The following DAB1 variants were observed in gnomAD, a reference collection of about 807,000 sequenced individuals.
DAB1 encodes the protein DAB adaptor protein 1.
DAB1 carries 15 observed loss-of-function variants against 64.6 expected under a neutral mutation model. That is an observed-to-expected ratio of 0.23 (90% confidence interval 0.16 to 0.36). The LOEUF is 0.36. DAB1 is among the 10% of genes least tolerant of loss of function. The probability of loss-of-function intolerance (pLI) is 1.00; values close to 1 mark genes in which losing one functional copy is unlikely to be tolerated. For missense variants in DAB1, 596 were observed against 706.7 expected (o/e 0.84, Z 1.78); for synonymous variants, 235 against 251.9 (o/e 0.93, Z 0.64).
intron 1 of DAB1, among the ~76,000 whole-genome samples, chr1:57,395,790 G>A (rs1209313654): frequency 2.3e-5 from 1 of 43,866 alleles, no homozygotes; most frequent in East Asian, 2.4e-4. Context: ...GGCTCCCATG[G>A]CTACCATATT....
intron 2 of DAB1, among the ~76,000 whole-genome samples, chr1:57,241,689 C>A (rs2100478908): frequency 6.6e-6 from 1 of 152,242 alleles, no homozygotes; most frequent in African/African-American, 2.4e-5. Context: ...GGAGTCTAGC[C>A]CTTCTGAGTC....
chr1:57,396,067 A>G (rs1682780042), intron 1 of DAB1, among the ~76,000 whole-genome samples: 1 of 152,226 alleles, frequency 6.6e-6, no homozygotes, highest in African/African-American at 2.4e-5. Context: ...TTAGTGAGCT[A>G]TAAGGTGGGA....
intron 6 of DAB1, among the ~76,000 whole-genome samples, chr1:57,688,770 T>C (rs997913605): frequency 2.6e-5 from 4 of 152,178 alleles, no homozygotes; most frequent in Admixed American, 2.0e-4. Flanking sequence ...TGCAGCAACA[T>C]AGATGCAGCT....
chr1:57,235,075 T>A (rs1041920861), intron 2 of DAB1, among the ~76,000 whole-genome samples: 1 of 152,220 alleles, frequency 6.6e-6, no homozygotes, highest in Non-Finnish European at 1.5e-5. Flanking sequence ...TCACTCATCA[T>A]ATTCACAGAT....
At chr1:58,513,913 A>G (rs1646120349) in intron 2 of DAB1, among the ~76,000 whole-genome samples, 1 of 152,196 alleles carries the variant, frequency 6.6e-6, no homozygotes, top group Non-Finnish European at 1.5e-5. Flanking sequence ...CCATAATTTG[A>G]ACACAAGTAG....
chr1:58,199,161 C>G (rs753437820), intron 4 of DAB1, among the ~76,000 whole-genome samples: 3 of 152,006 alleles, frequency 2.0e-5, no homozygotes, highest in Non-Finnish European at 4.4e-5. Context: ...CCTATTGATC[C>G]CATAAGAAGC....
intron 6 of DAB1, among the ~76,000 whole-genome samples, chr1:57,742,960 C>A (rs1328817925): frequency 1.3e-5 from 2 of 152,122 alleles, no homozygotes; most frequent in African/African-American, 4.8e-5. Flanking sequence ...GTATTGTGTG[C>A]CGCTGTATAC....
intron 5 of DAB1, among the ~76,000 whole-genome samples, chr1:58,047,729 A>G (rs760426794): frequency 4.3e-4 from 66 of 152,006 alleles, no homozygotes; most frequent in Non-Finnish European, 7.5e-4. Context: ...TTCTATTGAC[A>G]CTCTCTCAGG....
intron 9 of DAB1, among the ~76,000 whole-genome samples, chr1:57,056,315 A>G (rs1405357235): frequency 1.0e-4 from 15 of 149,482 alleles, no homozygotes. Flanking sequence ...AGTGGGTAAC[A>G]TAGCAAGTCC....
intron 6 of DAB1, among the ~76,000 whole-genome samples, chr1:57,655,793 G>C (rs765684427): frequency 1.9e-4 from 29 of 152,116 alleles, no homozygotes; most frequent in Non-Finnish European, 3.1e-4. Flanking sequence ...TTTAGAGTTT[G>C]GAGAAAAATT....
rs570057666 is a variant in DAB1, at chr1:57,966,688, AT to A, written n.388-82527del. On this transcript the variant is annotated intron_variant and non_coding_transcript_variant, in intron 5 of 20. Coordinates refer to the DAB1 transcript ENST00000485760. ...AGGCCTTAACTCGAATGCCAAGGAG[AT>A]TTTTTTTGATAATCTAAAATTTAGG... Among the ~76,000 whole-genome samples, 11 of 152,102 alleles carry A rather than the reference AT, an allele frequency of 7.2e-5. No individual in the cohort carries two copies. The East Asian group carries it at 2.1e-3, about 29-fold the overall frequency.
intron 7 of DAB1, among the ~76,000 whole-genome samples, chr1:57,523,188 T>G (rs1242562173): frequency 6.6e-6 from 1 of 152,192 alleles, no homozygotes; most frequent in Non-Finnish European, 1.5e-5. Context: ...CCCCCTTCCC[T>G]GTCTGTTATC....
intron 7 of DAB1, among the ~76,000 whole-genome samples, chr1:57,461,302 A>G (rs1257585924): frequency 6.6e-6 from 1 of 152,202 alleles, no homozygotes; most frequent in Admixed American, 6.5e-5. Context: ...AGAAGATACA[A>G]ACATACATTT....
chr1:58,001,069 CT>C (rs1471961945), intron 5 of DAB1, among the ~76,000 whole-genome samples: 1 of 150,946 alleles, frequency 6.6e-6, no homozygotes, highest in Non-Finnish European at 1.5e-5. Context: ...CTTTTTTCCC[CT>C]CATAATCCCT....
At position 57,998,384 on chromosome 1, in the gene DAB1, T is replaced by TC. The variant is rs1491314755; in HGVS notation, n.388-114223dup. On this transcript the variant is annotated intron_variant and non_coding_transcript_variant, in intron 5 of 20. Coordinates refer to the DAB1 transcript ENST00000485760. ...AACCTCTGAGTCCTCATCTTTTTTT[T>TC]CTCTCTTTTTTTTTTTTTTTTTTTG... 4.3e-5 allele frequency among the ~76,000 whole-genome samples: 6 copies of TC among 139,790 alleles called. 1 individual carries two copies. The Admixed American group carries it at 4.4e-4, about 10-fold the overall frequency. 91.7% of individuals were successfully genotyped at this position (139,790 alleles called of 152,430 possible). A position where few individuals can be genotyped will look rare whatever the true frequency, so the allele number is the denominator to read the frequency against.
intron 4 of DAB1, among the ~76,000 whole-genome samples, chr1:58,169,238 CT>C (rs1411904749): frequency 1.3e-5 from 2 of 152,148 alleles, no homozygotes; most frequent in Non-Finnish European, 2.9e-5. Flanking sequence ...CACAACTATT[CT>C]GATCAGCAGG....
At chr1:57,274,673 T>C (rs1355268556) in intron 2 of DAB1, among the ~76,000 whole-genome samples, 2 of 152,132 alleles carry the variant, frequency 1.3e-5, no homozygotes. Context: ...CTCTGCCTCC[T>C]GGGCTCAAGC....
At chr1:57,215,145 G>A (rs1666331537) in intron 2 of DAB1, among the ~76,000 whole-genome samples, 2 of 152,078 alleles carry the variant, frequency 1.3e-5, no homozygotes. Flanking sequence ...ATCCCACAGA[G>A]ACTGTTGTAT....
At chr1:57,467,913 T>C (rs1687008382) in intron 7 of DAB1, among the ~76,000 whole-genome samples, 1 of 152,196 alleles carries the variant, frequency 6.6e-6, no homozygotes. Context: ...CATTCATTCA[T>C]TCACTCATAT....
Sources: allele counts gnomAD v4.1 joint callset (sites outside exome capture counted in the v4.1 genomes callset), GRCh38; gene constraint gnomAD v4.1.1; transcripts MANE v1.5; gene names NCBI Gene and HGNC (gene_info 2026-07-23, HGNC 2026-07-21).